CFAP91: variants seen among roughly 807,000 people sequenced by gnomAD.
The protein encoded by CFAP91 is cilia- and flagella-associated protein 91.
A neutral mutation model predicts 95.9 loss-of-function variants in CFAP91; 85 were observed. The observed-to-expected ratio is 0.89, with a 90% confidence interval of 0.74 to 1.06. CFAP91 has a LOEUF of 1.06. Ranked by LOEUF, CFAP91 falls within the 50% of genes least tolerant of loss-of-function variation. The pLI is 0.00. For missense variants in CFAP91, 962 were observed against 943.4 expected, an observed-to-expected ratio of 1.02 and a Z score of -0.26; for synonymous variants, 335 against 327.5, an observed-to-expected ratio of 1.02 and a Z score of -0.25.
rs1239604641 is a variant in CFAP91 at position 119,708,693 on chromosome 3, T to A, written c.443+19T>A. On this transcript the variant is annotated intron_variant, in intron 4 of 17. Transcript: ENST00000273390. ...TTGAAAGGTAGAACATAATTACTAATGAATATTTGAGCCCTAATATTATTA... is the reference window on the plus strand; with the variant it reads ...TTGAAAGGTAGAACATAATTACTAAAGAATATTTGAGCCCTAATATTATTA... The A allele has an allele frequency of 7.3e-7, 1 of 1,364,436 alleles. No homozygotes were observed. The highest frequency in any genetic ancestry group is 1.5e-5 in the African/African-American group (1 of 68,582). The allele number at this position is 1,364,436 out of a possible 1,614,324, so 84.5% of individuals were successfully genotyped here. A position where few individuals can be genotyped will look rare whatever the true frequency, so the allele number is the denominator to read the frequency against.
chr3:119,733,329 A>C, intron 9 of CFAP91, 35 bp from the exon 10 acceptor site: 1 of 1,609,852 alleles, frequency 6.2e-7, no homozygotes, highest in South Asian at 1.1e-5. Context: ...AAACGTAAGC[A>C]CTGGATACTA....
chr3:119,759,526 A>G (rs1312916697), intron 17 of CFAP91, among the ~76,000 whole-genome samples: 2 of 151,948 alleles, frequency 1.3e-5, no homozygotes, highest in Admixed American at 1.3e-4. Flanking sequence ...CTACAGTTGA[A>G]AGTAATACAA....
At chr3:119,715,471 C>G in intron 5 of CFAP91, 91 bp from the exon 6 acceptor site, 1 of 1,102,858 alleles carries the variant, frequency 9.1e-7, no homozygotes, top group South Asian at 1.3e-5. Flanking sequence ...ATGGACTTGA[C>G]AAAGCTTCGA....
intron 10 of CFAP91, among the ~76,000 whole-genome samples, chr3:119,734,181 C>T (rs971738271): frequency 6.6e-6 from 1 of 152,142 alleles, no homozygotes; most frequent in African/African-American, 2.4e-5. Flanking sequence ...GGTGATGCTG[C>T]TGCTGCTGGT....
chr3:119,727,832 G>T (rs1485433452), intron 7 of CFAP91, among the ~76,000 whole-genome samples: 1 of 152,138 alleles, frequency 6.6e-6, no homozygotes, highest in African/African-American at 2.4e-5. Flanking sequence ...TTGAAGGGTA[G>T]GTAAGAAGCC....
intron 17 of CFAP91, among the ~76,000 whole-genome samples, chr3:119,764,180 C>T (rs138092751): frequency 6.6e-6 from 1 of 152,142 alleles, no homozygotes; most frequent in East Asian, 1.9e-4. Context: ...GAAAGAGAAT[C>T]AGAAACGGTA....
At chr3:119,745,629 A>ATTT (rs2054206266) in intron 14 of CFAP91, among the ~76,000 whole-genome samples, 1 of 152,256 alleles carries the variant, frequency 6.6e-6, no homozygotes, top group African/African-American at 2.4e-5. Flanking sequence ...GACTGAGCTA[A>ATTT]TTGATCCATA....
intron 17 of CFAP91, among the ~76,000 whole-genome samples, chr3:119,754,744 T>G (rs2054391858): frequency 6.6e-6 from 1 of 152,188 alleles, no homozygotes; most frequent in Non-Finnish European, 1.5e-5. Flanking sequence ...GACCACCCAG[T>G]GGACCCCAGC....
chr3:119,722,177 T>TA (rs569308101), intron 6 of CFAP91, among the ~76,000 whole-genome samples: 11,319 of 91,020 alleles, frequency 0.12, 580 homozygotes, highest in South Asian at 0.17. Flanking sequence ...ACCCTGTCTC[T>TA]AAAAAAAAAA....
chr3:119,730,160 T>G, intron 7 of CFAP91, 60 bp from the exon 8 acceptor site: 1 of 1,532,658 alleles, frequency 6.5e-7, no homozygotes, highest in African/African-American at 1.4e-5. Flanking sequence ...GTGGCAGCTG[T>G]TCCCTTGCCC....
At chr3:119,747,930 G>C (rs1323952832) in intron 16 of CFAP91, 28 bp downstream of exon 16, 1 of 1,520,744 alleles carries the variant, frequency 6.6e-7, no homozygotes, top group South Asian at 1.2e-5. Context: ...CTTTACTTTA[G>C]GATTTTTTAA....
intron 17 of CFAP91, among the ~76,000 whole-genome samples, chr3:119,752,716 T>C (rs926704764): frequency 6.6e-6 from 1 of 152,194 alleles, no homozygotes; most frequent in Non-Finnish European, 1.5e-5. Flanking sequence ...ATGACATCCA[T>C]AGTGACCTGT....
At chr3:119,718,606 TAAAAG>T (rs777927442) in intron 6 of CFAP91, among the ~76,000 whole-genome samples, 2 of 151,000 alleles carry the variant, frequency 1.3e-5, no homozygotes, top group African/African-American at 2.4e-5. Flanking sequence ...CACCTCCTAA[TAAAAG>T]AGAAAGAAAA....
At chr3:119,763,608 C>T (rs2054577016) in intron 17 of CFAP91, among the ~76,000 whole-genome samples, 1 of 150,688 alleles carries the variant, frequency 6.6e-6, no homozygotes, top group South Asian at 2.1e-4. Context: ...CAATTGAATA[C>T]TATTCAGCCT....
chr3:119,727,922 T>A (rs1420286700), intron 7 of CFAP91, among the ~76,000 whole-genome samples: 1 of 151,912 alleles, frequency 6.6e-6, no homozygotes, highest in Non-Finnish European at 1.5e-5. Flanking sequence ...GGTCTGAGAT[T>A]TTTTGCACCG....
chr3:119,722,584 G>A (rs1253718519), intron 6 of CFAP91, among the ~76,000 whole-genome samples: 1 of 152,050 alleles, frequency 6.6e-6, no homozygotes, highest in East Asian at 1.9e-4. Context: ...AAACCCTATG[G>A]CTCAAGTGAT....
intron 1 of CFAP91, 100 bp downstream of exon 1, chr3:119,703,322 G>A: frequency 6.6e-7 from 1 of 1,522,530 alleles, no homozygotes; most frequent in South Asian, 1.2e-5. Flanking sequence ...AACGAAACAC[G>A]ACCCTCTGGA....
intron 10 of CFAP91, among the ~76,000 whole-genome samples, chr3:119,734,765 G>A (rs886548132): frequency 1.3e-5 from 2 of 152,118 alleles, no homozygotes; most frequent in Admixed American, 1.3e-4. Context: ...TATGGGGTTG[G>A]TGTTATAATT....
At chr3:119,745,958 A>C (rs368262423) in intron 14 of CFAP91, among the ~76,000 whole-genome samples, 4 of 152,246 alleles carry the variant, frequency 2.6e-5, no homozygotes, top group South Asian at 2.1e-4. Flanking sequence ...TCTCAGATAC[A>C]AAGCTATATT....
Sources: gnomAD v4.1 joint callset for allele counts (sites outside exome capture counted in the v4.1 genomes callset) on GRCh38, gnomAD v4.1.1 for gene constraint, MANE v1.5 for transcripts, NCBI Gene and HGNC (gene_info 2026-07-23, HGNC 2026-07-21) for gene names.